Variants in NRK observed in about 807,000 individuals in gnomAD.
NRK encodes nik-related protein kinase.
Under a neutral mutation model 125.2 loss-of-function variants are expected in NRK, and 67 were observed. The ratio of observed to expected loss-of-function variants is 0.54; its 90% CI spans 0.44 to 0.66. The LOEUF is 0.66. Among genes scored for constraint, NRK ranks in the 30% least tolerant of loss-of-function variants. NRK has a pLI of 0.00. For missense variants in NRK, 1,224 were observed against 1,192.9 expected, an observed-to-expected ratio of 1.03 and a Z score of -0.38; for synonymous variants, 458 against 429.0, an observed-to-expected ratio of 1.07 and a Z score of -0.84.
At chrX:105,897,148 T>G in intron 7 of NRK, among the ~76,000 whole-genome samples, 1 of 112,759 alleles carries the variant, frequency 8.9e-6, no homozygotes, top group African/African-American at 3.2e-5. Flanking sequence ...TCAGATTTAC[T>G]TTACATGTAG....
chrX:105,868,192 A>T (rs368135199), intron 2 of NRK, among the ~76,000 whole-genome samples: 2 of 111,731 alleles, frequency 1.8e-5, no homozygotes, highest in East Asian at 5.6e-4. Context: ...TGCCTCTGCT[A>T]CTACCTCTAT....
intron 23 of NRK, among the ~76,000 whole-genome samples, 185 bp from the exon 24 acceptor site, chrX:105,943,756 C>G (rs1426011000): frequency 8.9e-6 from 1 of 112,043 alleles, no homozygotes; most frequent in Admixed American, 9.4e-5. Flanking sequence ...TATGTATACT[C>G]CATAAAACTA....
In NRK at chrX:105,834,539, G is replaced by T. The variant is rs439173; in HGVS notation, c.123+3420G>T. ...GGTTCTCTTAGCTTCCTGGACATGT[G>T]GTTTGACATATTTCATTATTTGGGA... is the stretch of plus-strand genomic sequence containing the variant. On this transcript the variant is annotated intron_variant, in intron 2 of 28. Coordinates refer to ENST00000243300, the MANE Select transcript of NRK (RefSeq NM_198465.4). Among the ~76,000 whole-genome samples the T allele has an allele frequency of 6.8e-3, 746 of 109,657 alleles. 8 individuals are homozygous for T. Among genetic ancestry groups the T allele is most frequent in the South Asian group, 0.06 (153 of 2,557 alleles).
At chrX:105,935,830 TAC>T (rs890984679) in intron 21 of NRK, among the ~76,000 whole-genome samples, 1 of 104,336 alleles carries the variant, frequency 9.6e-6, no homozygotes, top group African/African-American at 3.6e-5. Context: ...TATATATATA[TAC>T]ACAACTGGAC....
At chrX:105,863,357 C>T (rs5916957) in intron 2 of NRK, among the ~76,000 whole-genome samples, 2,902 of 106,165 alleles carry the variant, frequency 0.027, 63 homozygotes, top group African/African-American at 0.068. Context: ...CACACACACA[C>T]ATACTATTTT....
chrX:105,936,971 T>C (rs1462289605), intron 21 of NRK, among the ~76,000 whole-genome samples: 2 of 111,085 alleles, frequency 1.8e-5, no homozygotes, highest in Non-Finnish European at 3.8e-5. Context: ...ATGAGCTGAA[T>C]TGAACTCTTT....
At chrX:105,873,002 A>C in intron 2 of NRK, among the ~76,000 whole-genome samples, 1 of 111,468 alleles carries the variant, frequency 9.0e-6, no homozygotes, top group East Asian at 2.9e-4. Flanking sequence ...AGAAGGACAA[A>C]ATTCTATGAA....
intron 2 of NRK, among the ~76,000 whole-genome samples, chrX:105,875,787 A>G (rs998681871): frequency 9.0e-6 from 1 of 111,078 alleles, no homozygotes; most frequent in African/African-American, 3.3e-5. Flanking sequence ...AAGAATGACT[A>G]CAAAGCATTG....
intron 2 of NRK, among the ~76,000 whole-genome samples, chrX:105,861,346 C>T (rs2039599762): frequency 8.9e-6 from 1 of 112,303 alleles, no homozygotes; most frequent in Admixed American, 9.4e-5. Context: ...TATTTTCTCC[C>T]ACTCTGTGGG....
intron 2 of NRK, among the ~76,000 whole-genome samples, chrX:105,849,024 C>G (rs1002326445): frequency 7.2e-5 from 8 of 111,863 alleles, no homozygotes; most frequent in Non-Finnish European, 1.3e-4. Context: ...TAAAATATCT[C>G]TCTGTATTGT....
chrX:105,846,828 CCAATTA>C (rs1387988161), intron 2 of NRK, among the ~76,000 whole-genome samples: 1 of 112,003 alleles, frequency 8.9e-6, no homozygotes, highest in Non-Finnish European at 1.9e-5. Context: ...TAGATTCTAG[CCAATTA>C]CAATTCAAGA....
At chrX:105,925,678 G>A (rs750329501) in intron 19 of NRK, among the ~76,000 whole-genome samples, 1 of 111,150 alleles carries the variant, frequency 9.0e-6, no homozygotes, top group Admixed American at 9.6e-5. Context: ...TTTAGCATTT[G>A]CATATGAGTA....
chrX:105,938,153 C>T (rs1166509431), intron 22 of NRK, among the ~76,000 whole-genome samples: 3 of 111,189 alleles, frequency 2.7e-5, no homozygotes, highest in East Asian at 2.8e-4. Context: ...TAAGAGTGAT[C>T]GTGATTACTA....
intron 27 of NRK, 73 bp downstream of exon 27, chrX:105,949,807 A>G (rs2040867959): frequency 1.5e-6 from 1 of 666,430 alleles, no homozygotes; most frequent in Non-Finnish European, 2.2e-6. Flanking sequence ...TCCTAAGAAA[A>G]GATTTCCTGA....
intron 2 of NRK, among the ~76,000 whole-genome samples, chrX:105,860,891 G>A (rs1020037019): frequency 2.7e-5 from 3 of 110,684 alleles, no homozygotes; most frequent in Admixed American, 9.6e-5. Flanking sequence ...TGGACATTTA[G>A]GTTGTTTCAG....
intron 2 of NRK, among the ~76,000 whole-genome samples, chrX:105,849,960 G>A (rs913003962): frequency 1.8e-5 from 2 of 112,073 alleles, no homozygotes. Flanking sequence ...TCTTCTCATA[G>A]CTCCACTAGG....
At chrX:105,886,939 A>G (rs2039954888) in intron 4 of NRK, among the ~76,000 whole-genome samples, 1 of 111,234 alleles carries the variant, frequency 9.0e-6, no homozygotes, top group African/African-American at 3.3e-5. Flanking sequence ...AAGTTAACTC[A>G]AAATGGATCA....
At chrX:105,902,569 G>C (rs1188558233) in intron 9 of NRK, among the ~76,000 whole-genome samples, 1 of 111,881 alleles carries the variant, frequency 8.9e-6, no homozygotes, top group East Asian at 2.8e-4. Context: ...CTTTTCCAGA[G>C]AAGTAAAGAG....
chrX:105,827,119 T>A (rs2039125443), intron 1 of NRK, among the ~76,000 whole-genome samples: 1 of 111,742 alleles, frequency 8.9e-6, no homozygotes, highest in South Asian at 3.7e-4. Context: ...GATGAAGAGA[T>A]TTCCCCTTTA....
Sources: allele counts gnomAD v4.1 joint callset (sites outside exome capture counted in the v4.1 genomes callset), GRCh38; gene constraint gnomAD v4.1.1; transcripts MANE v1.5; gene names NCBI Gene and HGNC (gene_info 2026-07-23, HGNC 2026-07-21).